TET2: variants seen among roughly 807,000 people sequenced by gnomAD.
TET2 encodes the protein tet methylcytosine dioxygenase 2.
A neutral mutation model predicts 142.9 loss-of-function variants in TET2; 299 were observed. That is an observed-to-expected ratio of 2.09 (90% CI 1.90 to 2.30). The LOEUF is 2.30. Ranked by LOEUF, TET2 falls within the 30% of genes most tolerant of loss-of-function variation. The probability of loss-of-function intolerance (pLI) is 0.00; values close to 1 mark genes in which losing one functional copy is unlikely to be tolerated. For synonymous variants in TET2, 819 were observed against 849.0 expected, an observed-to-expected ratio of 0.96 and a Z score of 0.61; for missense variants, 2,418 against 2,378.0, an observed-to-expected ratio of 1.02 and a Z score of -0.35.
chr4:105,181,749 G>A (rs149844761), intron 1 of TET2, among the ~76,000 whole-genome samples: 164 of 152,282 alleles, frequency 1.1e-3, no homozygotes, highest in African/African-American at 3.6e-3. Context: ...TGAAAATCCA[G>A]TTTAATGTGA....
intron 1 of TET2, among the ~76,000 whole-genome samples, chr4:105,148,010 TTC>T (rs1560705033): frequency 6.6e-6 from 1 of 151,878 alleles, no homozygotes; most frequent in African/African-American, 2.4e-5. Flanking sequence ...CTCTCTGCCT[TTC>T]TCTCTGTGTC....
In TET2 at chr4:105,236,617, A is replaced by C. The variant is rs1414195059; in HGVS notation, c.2675A>C (p.Gln892Pro). 2 of 1,614,070 alleles carry C rather than the reference A, an allele frequency of 1.2e-6. No homozygotes were observed. The highest frequency in any genetic ancestry group is 1.7e-6 in the Non-Finnish European group (2 of 1,180,008). The change falls in exon 3 of 11, where the codon CAA becomes CCA. Residue 892 changes from glutamine (Q) to proline (P), a missense_variant. Transcript: ENST00000380013. ...CFQEQEQKSQ[Q>P]ASVLQGYKNR... ...CAAGAACAGGAGCAGAAGTCACAAC[A>C]AGCTTCAGTTCTACAGGGATATAAA...
intron 1 of TET2, among the ~76,000 whole-genome samples, chr4:105,148,915 ATTTTGATCT>A (rs1341154585): frequency 7.2e-5 from 11 of 152,142 alleles, no homozygotes; most frequent in African/African-American, 2.2e-4. Flanking sequence ...GTAACTTTCT[ATTTTGATCT>A]TTGTTAATTT....
intron 8 of TET2, among the ~76,000 whole-genome samples, chr4:105,267,521 C>T (rs1006709518): frequency 7.2e-6 from 1 of 139,692 alleles, no homozygotes; most frequent in Non-Finnish European, 1.5e-5. Flanking sequence ...TTAGAGTACA[C>T]TGTGTACCTT....
At position 105,236,033 on chromosome 4, in the gene TET2, A is replaced by G. The variant is rs1307685848; in HGVS notation, c.2091A>G (p.Pro697=). 5 of 1,614,184 alleles carry G rather than the reference A, an allele frequency of 3.1e-6. No individual in the cohort carries two copies. Among genetic ancestry groups the G allele is most frequent in the Middle Eastern group, 1.6e-4 (1 of 6,062 alleles). ...ADSQTEKLMS[P]VLKQHLNQQA... ...CCCAAACTGAAAAACTTATGTCCCC[A>G]GTGTTGAAACAGCACTTGAATCAAC... is the stretch of plus-strand genomic sequence containing the variant. The change falls in exon 3 of 11, where the codon CCA becomes CCG. Residue 697 remains proline (P), a synonymous_variant. Coordinates refer to ENST00000380013, the MANE Select transcript of TET2 (RefSeq NM_001127208.3).
At chr4:105,183,374 A>G (rs1249288913) in intron 1 of TET2, among the ~76,000 whole-genome samples, 6 of 152,172 alleles carry the variant, frequency 3.9e-5, no homozygotes, top group Admixed American at 3.9e-4. Flanking sequence ...ACACAAGTAG[A>G]CTTAGAATAA....
chr4:105,200,037 T>C (rs1468956467), intron 2 of TET2, among the ~76,000 whole-genome samples: 2 of 152,168 alleles, frequency 1.3e-5, no homozygotes, highest in Non-Finnish European at 2.9e-5. Context: ...AGAATAATTT[T>C]TTTTTCCTTT....
intron 6 of TET2, among the ~76,000 whole-genome samples, chr4:105,248,635 TG>T (rs1181283384): frequency 3.9e-5 from 6 of 152,220 alleles, no homozygotes; most frequent in East Asian, 1.9e-4. Context: ...TATTCCCCCA[TG>T]TTTTTTTCTA....
chr4:105,236,750 T>TCACA lies in TET2; in HGVS notation c.2810_2813dup (p.Gln939HisfsTer34). On this transcript the variant is annotated frameshift_variant, in exon 3 of 11. Coordinates refer to ENST00000380013, the MANE Select transcript of TET2 (RefSeq NM_001127208.3). LOFTEE classifies it high-confidence loss of function. ...TTCCTGTGCCTGACCAGGGAGGAAGTCACACTCAGACCCCTCCCCAGAAGG... is the reference window on the plus strand; with the variant it reads ...TTCCTGTGCCTGACCAGGGAGGAAGTCACACACACTCAGACCCCTCCCCAGAAGG... 6.2e-7 allele frequency: 1 copy of TCACA among 1,614,056 alleles called. No individual in the cohort carries two copies. The highest frequency in any genetic ancestry group is 8.5e-7 in the Non-Finnish European group (1 of 1,180,004).
rs141298965 is a variant in TET2, at chr4:105,270,267, G to A, written c.4182+520G>A. ...TCCTGTTGCAAAGTGACCTGCTTTG[G>A]CATAACTAGCACTCTCATGATAGGT... On this transcript the variant is annotated intron_variant, in intron 9 of 10. Transcript: ENST00000380013. 2.0e-3 allele frequency among the ~76,000 whole-genome samples: 310 copies of A among 152,250 alleles called. 1 individual carries two copies. The highest frequency in any genetic ancestry group is 7.2e-3 in the African/African-American group (301 of 41,546).
intron 1 of TET2, among the ~76,000 whole-genome samples, chr4:105,155,104 A>C (rs1723499664): frequency 6.6e-6 from 1 of 152,232 alleles, no homozygotes; most frequent in Non-Finnish European, 1.5e-5. Flanking sequence ...ATAACAAATT[A>C]CTAGATTTGG....
At chr4:105,239,080 T>TTGTTTTTTTTG (rs996959463) in intron 3 of TET2, 3 of 231,054 alleles carry the variant, frequency 1.3e-5, no homozygotes, top group East Asian at 6.4e-5. Context: ...TTTTGTTTTT[T>TTGTTTTTTTTG]TTTTTTGTTT....
At chr4:105,190,108 T>C (rs1415557672) in intron 1 of TET2, among the ~76,000 whole-genome samples, 1 of 152,164 alleles carries the variant, frequency 6.6e-6, no homozygotes, top group Non-Finnish European at 1.5e-5. Flanking sequence ...CCTCATTGAT[T>C]ATTGCGGTGA....
chr4:105,208,911 G>C (rs1013556708), intron 2 of TET2, among the ~76,000 whole-genome samples: 1 of 151,340 alleles, frequency 6.6e-6, no homozygotes, highest in Non-Finnish European at 1.5e-5. Flanking sequence ...GTGTTTTAGA[G>C]TGAAACAAGG....
chr4:105,242,650 A>C, intron 4 of TET2, 184 bp from the exon 5 acceptor site: 1 of 1,350,834 alleles, frequency 7.4e-7, no homozygotes, highest in Non-Finnish European at 9.5e-7. Context: ...ATATTGAGGA[A>C]AAACAAGGCT....
chr4:105,169,895 G>A (rs1244207600), intron 1 of TET2, among the ~76,000 whole-genome samples: 1 of 151,794 alleles, frequency 6.6e-6, no homozygotes, highest in Non-Finnish European at 1.5e-5. Flanking sequence ...TTGGCTGTAA[G>A]TATGTGGGTT....
intron 2 of TET2, among the ~76,000 whole-genome samples, chr4:105,213,700 CTA>C (rs1727303931): frequency 6.6e-6 from 1 of 152,166 alleles, no homozygotes; most frequent in African/African-American, 2.4e-5. Context: ...ACCCACCTTC[CTA>C]TGAGTCTCCA....
At chr4:105,261,232 G>A (rs974362921) in intron 7 of TET2, among the ~76,000 whole-genome samples, 1 of 152,034 alleles carries the variant, frequency 6.6e-6, no homozygotes, top group Non-Finnish European at 1.5e-5. Flanking sequence ...CCCCTTTCAA[G>A]TAAATTCTGC....
At chr4:105,194,170 T>A (rs1400288263) in intron 2 of TET2, among the ~76,000 whole-genome samples, 1 of 152,154 alleles carries the variant, frequency 6.6e-6, no homozygotes, top group Non-Finnish European at 1.5e-5. Flanking sequence ...GCTGGCTTGC[T>A]TGTGGAGAAT....
Sources: allele counts gnomAD v4.1 joint callset (sites outside exome capture counted in the v4.1 genomes callset), GRCh38; gene constraint gnomAD v4.1.1; transcripts MANE v1.5; gene names NCBI Gene and HGNC (gene_info 2026-07-23, HGNC 2026-07-21).